Variants in MSH4 observed in about 807,000 individuals in gnomAD.
The protein encoded by MSH4 is mutS homolog 4, also known as mutS protein homolog 4.
MSH4 carries 106 observed loss-of-function variants against 113.7 expected under a neutral mutation model. That is an observed-to-expected ratio of 0.93 (90% confidence interval 0.80 to 1.10). The LOEUF is 1.10. Ranked by LOEUF, MSH4 falls within the 50% of genes least tolerant of loss-of-function variation. The pLI, the probability that MSH4 is intolerant of heterozygous loss-of-function variation, is 0.00. For missense variants in MSH4, 1,061 were observed against 1,093.7 expected (o/e 0.97, Z 0.42); for synonymous variants, 368 against 380.2 (o/e 0.97, Z 0.37).
intron 1 of MSH4, 70 bp downstream of exon 1, chr1:75,797,299 C>G (rs1405765849): frequency 6.6e-7 from 1 of 1,519,282 alleles, no homozygotes; most frequent in Non-Finnish European, 8.8e-7. Flanking sequence ...CTCGGGGGCA[C>G]GTGGGTGGTG....
chr1:75,856,043 C>A (rs1651308613), intron 8 of MSH4, among the ~76,000 whole-genome samples: 1 of 152,068 alleles, frequency 6.6e-6, no homozygotes, highest in South Asian at 2.1e-4. Flanking sequence ...TAGACAATTT[C>A]TGGTTAAATT....
At chr1:75,876,913 T>C (rs1490269188) in intron 9 of MSH4, 23 bp from the exon 10 acceptor site, 76 of 1,386,624 alleles carry the variant, frequency 5.5e-5, no homozygotes, top group Non-Finnish European at 7.4e-5. Context: ...TATCCTTAAC[T>C]TTTTTATTTT....
chr1:75,851,214 G>A (rs1426269603), intron 8 of MSH4, among the ~76,000 whole-genome samples: 8 of 16,464 alleles, frequency 4.9e-4, no homozygotes, highest in Non-Finnish European at 1.3e-3. Flanking sequence ...ATTTAAATCT[G>A]CCATCGTTTT....
intron 19 of MSH4, among the ~76,000 whole-genome samples, chr1:75,907,689 C>CTCTCTCTCT (rs1557535183): frequency 3.8e-5 from 3 of 78,622 alleles, no homozygotes; most frequent in African/African-American, 1.8e-4. Flanking sequence ...TCTCTCTATA[C>CTCTCTCTCT]ATATATATAT....
intron 9 of MSH4, among the ~76,000 whole-genome samples, chr1:75,872,681 A>C (rs1206280353): frequency 6.6e-6 from 1 of 152,248 alleles, no homozygotes; most frequent in Non-Finnish European, 1.5e-5. Context: ...ACTGATCATG[A>C]AACAAGTGAA....
chr1:75,860,866 T>G (rs1651440745), intron 8 of MSH4, among the ~76,000 whole-genome samples: 1 of 152,350 alleles, frequency 6.6e-6, no homozygotes, highest in East Asian at 1.9e-4. Flanking sequence ...TTTTCTAACT[T>G]GGGGCCATTC....
Position 75,814,804 on chromosome 1 carries a change from T to C in MSH4, c.700-217T>C, listed in dbSNP as rs573793173. ...TGTATCTAACATATTCCATTAAATCTCATAAGAGTAAGGTCTAATAAGAGA... is the reference window on the plus strand; with the variant it reads ...TGTATCTAACATATTCCATTAAATCCCATAAGAGTAAGGTCTAATAAGAGA... On this transcript the variant is annotated intron_variant, in intron 4 of 19. Transcript: ENST00000263187. 7.9e-5 allele frequency among the ~76,000 whole-genome samples: 12 copies of C among 152,272 alleles called. No individual in the cohort carries two copies. The South Asian group carries it at 2.5e-3, about 32-fold the overall frequency.
At chr1:75,843,918 T>C (rs1651022507) in intron 7 of MSH4, among the ~76,000 whole-genome samples, 1 of 152,078 alleles carries the variant, frequency 6.6e-6, no homozygotes, top group African/African-American at 2.4e-5. Context: ...TTCAAGCGAT[T>C]CTCCTGCCTC....
At chr1:75,912,310 C>A (rs148585122) in intron 19 of MSH4, among the ~76,000 whole-genome samples, 155 of 152,080 alleles carry the variant, frequency 1.0e-3, no homozygotes, top group Non-Finnish European at 1.9e-3. Context: ...TAGCAATGAA[C>A]AATGCTGTTT....
intron 19 of MSH4, among the ~76,000 whole-genome samples, chr1:75,905,392 T>A (rs1267541256): frequency 6.6e-6 from 1 of 152,166 alleles, no homozygotes; most frequent in Non-Finnish European, 1.5e-5. Flanking sequence ...CTAGTTTTAT[T>A]CCATTGTGGA....
chr1:75,841,437 A>G (rs1247805514), intron 7 of MSH4, among the ~76,000 whole-genome samples: 1 of 151,998 alleles, frequency 6.6e-6, no homozygotes, highest in Non-Finnish European at 1.5e-5. Context: ...ACTTCAAGCA[A>G]TCCTCTCATC....
intron 6 of MSH4, among the ~76,000 whole-genome samples, chr1:75,822,154 T>C (rs2100520277): frequency 6.6e-6 from 1 of 152,112 alleles, no homozygotes; most frequent in Non-Finnish European, 1.5e-5. Context: ...CTGGGCGTGG[T>C]GGCGGGCGCC....
intron 6 of MSH4, among the ~76,000 whole-genome samples, chr1:75,821,800 G>T (rs967716583): frequency 1.3e-5 from 2 of 151,996 alleles, no homozygotes; most frequent in Non-Finnish European, 2.9e-5. Context: ...TAGACTCGGG[G>T]TCTCACTATG....
chr1:75,796,908 G>C lies in MSH4; in HGVS notation c.-78G>C. ...CGCAGTTCTCCCGCCCGTTTCAGCG[G>C]CGCAGCTTCTGTAGTTGGGCTACTG... On this transcript the variant is annotated 5_prime_UTR_variant, in exon 1 of 20. Coordinates refer to ENST00000263187, the MANE Select transcript of MSH4 (RefSeq NM_002440.4). 1 of 1,585,922 alleles carries C rather than the reference G, an allele frequency of 6.3e-7. No individual in the cohort carries two copies. The highest frequency in any genetic ancestry group is 1.3e-5 in the African/African-American group (1 of 74,378).
rs1425604926 is a variant in MSH4 at position 75,822,511 on chromosome 1, C to T, written c.1092C>T (p.Thr364=). The change falls in exon 7 of 20, where the codon ACC becomes ACT. Residue 364 remains threonine, a synonymous_variant. Coordinates refer to ENST00000263187, the MANE Select transcript of MSH4 (RefSeq NM_002440.4). ...NILEPLVDIE[T]INMRLDCVQE... ...TAGAGCCTCTAGTTGATATTGAAAC[C>T]ATTAACATGAGATTAGATTGTGTTC... 1.3e-6 allele frequency: 2 copies of T among 1,585,582 alleles called. No homozygotes were observed. The highest frequency in any genetic ancestry group is 1.7e-6 in the Non-Finnish European group (2 of 1,169,532).
In MSH4 at chr1:75,885,790, A is replaced by G. The variant is rs1369876631; in HGVS notation, c.2107+1969A>G. ...ATATATAATGTATTATATAGTATAT[A>G]TACTATATAATGTATTACATATTAT... is the stretch of plus-strand genomic sequence containing the variant. On this transcript the variant is annotated intron_variant, in intron 15 of 19. Coordinates refer to ENST00000263187, the MANE Select transcript of MSH4 (RefSeq NM_002440.4). 5.0e-4 allele frequency among the ~76,000 whole-genome samples: 59 copies of G among 117,654 alleles called. 1 individual carries two copies. The highest frequency in any genetic ancestry group is 1.9e-3 in the African/African-American group (56 of 30,182). 77.2% of individuals were successfully genotyped at this position (117,654 alleles called of 152,430 possible).
chr1:75,886,930 C>G (rs1652137732), intron 15 of MSH4, among the ~76,000 whole-genome samples: 1 of 150,374 alleles, frequency 6.7e-6, no homozygotes, highest in Non-Finnish European at 1.5e-5. Flanking sequence ...CTAAGTTCTG[C>G]TCTCTGAGGG....
At chr1:75,814,247 G>GCATAGTGAGAAC (rs1650248402) in intron 4 of MSH4, among the ~76,000 whole-genome samples, 6 of 144,512 alleles carry the variant, frequency 4.2e-5, no homozygotes, top group Non-Finnish European at 7.5e-5. Flanking sequence ...GAGCCCAGGA[G>GCATAGTGAGAAC]TTTGACACCA....
intron 8 of MSH4, among the ~76,000 whole-genome samples, chr1:75,855,256 T>C (rs184750514): frequency 6.6e-6 from 1 of 152,280 alleles, no homozygotes; most frequent in East Asian, 1.9e-4. Flanking sequence ...CAGGCTTGTC[T>C]TGAACTCCTG....
Sources: allele counts gnomAD v4.1 joint callset (sites outside exome capture counted in the v4.1 genomes callset), GRCh38; gene constraint gnomAD v4.1.1; transcripts MANE v1.5; gene names NCBI Gene and HGNC (gene_info 2026-07-23, HGNC 2026-07-21).